Variants in CATSPERT observed in about 807,000 individuals in gnomAD.
CATSPERT encodes catsper channel auxiliary subunit tau.
the CATSPERT span, among the ~76,000 whole-genome samples, chr2:201,516,754 T>A: frequency 6.6e-6 from 1 of 151,772 alleles, no homozygotes; most frequent in Non-Finnish European, 1.5e-5. Flanking sequence ...GGAGATTTTT[T>A]TTCCCCCCTA....
At chr2:201,512,765 C>T in the CATSPERT span, among the ~76,000 whole-genome samples, 1,410 of 152,054 alleles carry the variant, frequency 9.3e-3, 32 homozygotes, top group African/African-American at 0.033. Flanking sequence ...TTTTTATGAA[C>T]ATGTAAGTCT....
the CATSPERT span, among the ~76,000 whole-genome samples, chr2:201,509,792 A>T: frequency 6.6e-6 from 1 of 150,850 alleles, no homozygotes; most frequent in Non-Finnish European, 1.5e-5. Context: ...TTATTAAGTA[A>T]TTATTTAACA....
the CATSPERT span, among the ~76,000 whole-genome samples, chr2:201,502,671 G>T: frequency 6.6e-6 from 1 of 151,646 alleles, no homozygotes; most frequent in African/African-American, 2.4e-5. Context: ...CTGAGTAAAG[G>T]TTTCTCTTTA....
the CATSPERT span, among the ~76,000 whole-genome samples, chr2:201,605,059 TACAC>T: frequency 6.7e-6 from 1 of 149,748 alleles, no homozygotes; most frequent in Non-Finnish European, 1.5e-5. Context: ...TATATATACA[TACAC>T]ACACACACAC....
the CATSPERT span, chr2:201,604,679 T>TAA: frequency 6.2e-7 from 1 of 1,602,032 alleles, no homozygotes; most frequent in East Asian, 2.3e-5. Flanking sequence ...TCAGACTCTT[T>TAA]AAGAGTTTTT....
the CATSPERT span, chr2:201,535,447 C>A: frequency 1.0e-6 from 1 of 954,990 alleles, no homozygotes; most frequent in Non-Finnish European, 1.2e-6. Context: ...CTCTTATTCT[C>A]ATTTTAAACT....
At chr2:201,561,703 C>G in the CATSPERT span, among the ~76,000 whole-genome samples, 1 of 152,036 alleles carries the variant, frequency 6.6e-6, no homozygotes, top group Non-Finnish European at 1.5e-5. Context: ...GAAACCCCAT[C>G]TCCACTAAAA....
At chr2:201,533,940 A>G in the CATSPERT span, among the ~76,000 whole-genome samples, 1 of 152,172 alleles carries the variant, frequency 6.6e-6, no homozygotes, top group Non-Finnish European at 1.5e-5. Flanking sequence ...AAAGCTCAGC[A>G]GCCTTGTTAG....
chr2:201,537,396 A>G, the CATSPERT span: 1 of 1,481,448 alleles, frequency 6.8e-7, no homozygotes, highest in Non-Finnish European at 9.2e-7. Flanking sequence ...TCCCTTTATA[A>G]AATAATGACT....
At chr2:201,556,440 C>T in the CATSPERT span, among the ~76,000 whole-genome samples, 3 of 149,772 alleles carry the variant, frequency 2.0e-5, no homozygotes, top group Non-Finnish European at 4.4e-5. Flanking sequence ...ACCCGGGAGG[C>T]GGAGCTTGCA....
the CATSPERT span, among the ~76,000 whole-genome samples, chr2:201,500,155 G>C: frequency 6.6e-6 from 1 of 151,894 alleles, no homozygotes; most frequent in Non-Finnish European, 1.5e-5. Context: ...ACAAAATTTT[G>C]GCCAACTAGA....
chr2:201,538,945 G>C, the CATSPERT span, among the ~76,000 whole-genome samples: 1 of 152,044 alleles, frequency 6.6e-6, no homozygotes, highest in Admixed American at 6.6e-5. Flanking sequence ...TGCATTTGTT[G>C]CTAAGGATAA....
the CATSPERT span, among the ~76,000 whole-genome samples, chr2:201,506,164 G>A: frequency 6.6e-6 from 1 of 152,172 alleles, no homozygotes; most frequent in Non-Finnish European, 1.5e-5. Context: ...CTACTCGGGA[G>A]GCTGAGGCAG....
At chr2:201,534,725 C>A in the CATSPERT span, 7 of 980,236 alleles carry the variant, frequency 7.1e-6, no homozygotes, top group African/African-American at 1.2e-4. Context: ...CATGCCATTT[C>A]TGTAAATACA....
At chr2:201,604,147 G>GTA in the CATSPERT span, among the ~76,000 whole-genome samples, 1 of 141,972 alleles carries the variant, frequency 7.0e-6, no homozygotes, top group African/African-American at 2.5e-5. Context: ...GTGTGTGTAT[G>GTA]TGTGTGTGTG....
the CATSPERT span, among the ~76,000 whole-genome samples, chr2:201,520,383 C>T: frequency 6.6e-6 from 1 of 152,242 alleles, no homozygotes; most frequent in African/African-American, 2.4e-5. Context: ...TTCTTCAGAG[C>T]ACAGAACATT....
At chr2:201,575,181 A>C in the CATSPERT span, 1 of 1,011,206 alleles carries the variant, frequency 9.9e-7, no homozygotes, top group Non-Finnish European at 1.4e-6. Flanking sequence ...TAAAAGAATA[A>C]AAACATGTAG....
At chr2:201,618,878 G>T in the CATSPERT span, 84 of 1,610,672 alleles carry the variant, frequency 5.2e-5, no homozygotes, top group Non-Finnish European at 6.4e-5. Flanking sequence ...TCCAGGTGCC[G>T]GCCAGGCCCC....
chr2:201,615,781 A>G, the CATSPERT span, among the ~76,000 whole-genome samples: 2 of 152,206 alleles, frequency 1.3e-5, no homozygotes, highest in African/African-American at 4.8e-5. Context: ...GGTTTTCTGA[A>G]AAGATCAACA....
Sources: allele counts gnomAD v4.1 joint callset (sites outside exome capture counted in the v4.1 genomes callset), GRCh38; gene constraint gnomAD v4.1.1; transcripts MANE v1.5; gene names NCBI Gene and HGNC (gene_info 2026-07-23, HGNC 2026-07-21).